Variants in PPIL4 observed in about 807,000 individuals in gnomAD.
PPIL4 encodes the protein peptidylprolyl isomerase like 4.
PPIL4 carries 50 observed loss-of-function variants against 69.1 expected under a neutral mutation model. The ratio of observed to expected loss-of-function variants is 0.72; its 90% CI spans 0.58 to 0.92. The LOEUF is 0.92. Among genes scored for constraint, PPIL4 ranks in the 40% least tolerant of loss-of-function variants. The probability of loss-of-function intolerance (pLI) is 0.00; values close to 1 mark genes in which losing one functional copy is unlikely to be tolerated. For synonymous variants in PPIL4, 193 were observed against 191.6 expected (o/e 1.01, Z -0.06); for missense variants, 480 against 587.9 (o/e 0.82, Z 1.90).
chr6:149,508,505 CA>C (rs1216446779), intron 12 of PPIL4, among the ~76,000 whole-genome samples: 2 of 152,008 alleles, frequency 1.3e-5, no homozygotes, highest in Non-Finnish European at 2.9e-5. Context: ...AATAAGCAAT[CA>C]AAAAAAGTCT....
chr6:149,521,290 C>A, intron 9 of PPIL4, 119 bp from the exon 10 acceptor site: 1 of 656,780 alleles, frequency 1.5e-6, no homozygotes, highest in South Asian at 1.7e-5. Context: ...ACTTATTACA[C>A]ACCCGATGCT....
chr6:149,529,097 G>A (rs1777150492), intron 7 of PPIL4, among the ~76,000 whole-genome samples: 1 of 152,026 alleles, frequency 6.6e-6, no homozygotes, highest in Admixed American at 6.6e-5. Context: ...AAGGTGTGGT[G>A]GCGTGTGCCT....
intron 10 of PPIL4, among the ~76,000 whole-genome samples, chr6:149,518,797 G>A (rs957075867): frequency 6.6e-6 from 1 of 151,522 alleles, no homozygotes; most frequent in African/African-American, 2.4e-5. Context: ...GTTCTTGACT[G>A]TAGTGGGAGG....
At chr6:149,515,304 A>C (rs1319117259) in intron 11 of PPIL4, among the ~76,000 whole-genome samples, 1 of 149,836 alleles carries the variant, frequency 6.7e-6, no homozygotes, top group Non-Finnish European at 1.5e-5. Flanking sequence ...TAAATGATGG[A>C]TCATACGAAA....
At chr6:149,544,466 A>G (rs2115042645) in intron 1 of PPIL4, among the ~76,000 whole-genome samples, 1 of 152,352 alleles carries the variant, frequency 6.6e-6, no homozygotes, top group Middle Eastern at 3.4e-3. Context: ...TATAGAGATG[A>G]TAATTATGGT....
intron 11 of PPIL4, among the ~76,000 whole-genome samples, chr6:149,515,147 T>C (rs1776923344): frequency 6.7e-6 from 1 of 149,880 alleles, no homozygotes; most frequent in African/African-American, 2.5e-5. Context: ...CAATTTTTTT[T>C]TTTTTTTTAA....
At chr6:149,516,055 C>T (rs925127309) in intron 11 of PPIL4, among the ~76,000 whole-genome samples, 1 of 152,166 alleles carries the variant, frequency 6.6e-6, no homozygotes, top group African/African-American at 2.4e-5. Context: ...CTAGAAGCTA[C>T]ACTATTCCAT....
chr6:149,522,462 C>T (rs182472022), intron 9 of PPIL4, among the ~76,000 whole-genome samples: 7 of 152,194 alleles, frequency 4.6e-5, no homozygotes, highest in Admixed American at 4.6e-4. Context: ...ACAAATAGAT[C>T]AGTGCAACAG....
intron 11 of PPIL4, among the ~76,000 whole-genome samples, chr6:149,513,444 TA>T (rs1224659823): frequency 1.5e-5 from 1 of 67,862 alleles, no homozygotes; most frequent in Non-Finnish European, 3.1e-5. Flanking sequence ...TATATACATA[TA>T]AAAAATATGC....
intron 4 of PPIL4, among the ~76,000 whole-genome samples, chr6:149,539,190 T>C (rs1777323993): frequency 6.6e-6 from 1 of 152,206 alleles, no homozygotes. Context: ...GAAGATGCTA[T>C]GATAACTGTT....
intron 12 of PPIL4, among the ~76,000 whole-genome samples, chr6:149,511,107 A>G (rs1776834659): frequency 6.6e-6 from 1 of 152,098 alleles, no homozygotes; most frequent in African/African-American, 2.4e-5. Flanking sequence ...ATCTTTGGTT[A>G]ACATTCTCAC....
intron 11 of PPIL4, among the ~76,000 whole-genome samples, chr6:149,513,385 CAAAAAAAAAAA>C (rs1170985851): frequency 2.4e-5 from 1 of 41,538 alleles, no homozygotes; most frequent in East Asian, 7.8e-4. Context: ...GACTCAGTCT[CAAAAAAAAAAA>C]AAAAAAAAAA....
In PPIL4 at chr6:149,541,045, T is replaced by C; in HGVS notation, c.218A>G (p.Asp73Gly). Residue 73 changes from aspartate (D) to glycine (G), a missense_variant, in exon 4 of 13, where the codon GAT (aspartate) becomes GGT (glycine). By Grantham distance (94) the Asp-to-Gly change is moderately conservative (BLOSUM62 -1). Coordinates refer to ENST00000253329, the MANE Select transcript of PPIL4 (RefSeq NM_139126.4). ...GESIFGQLYGDQASFFEAEKV... is the reference protein window; with the variant it reads ...GESIFGQLYGGQASFFEAEKV... ...TTCTGCCTCAAAAAAGCTTGCTTGATCACCATACAGTTGGCTGAAAAAACA... is the reference window on the plus strand; with the variant it reads ...TTCTGCCTCAAAAAAGCTTGCTTGACCACCATACAGTTGGCTGAAAAAACA... The C allele has an allele frequency of 6.2e-7, 1 of 1,608,576 alleles. No homozygotes were observed. The highest frequency in any genetic ancestry group is 1.1e-5 in the South Asian group (1 of 90,852).
At chr6:149,515,479 C>G (rs1401458011) in intron 11 of PPIL4, among the ~76,000 whole-genome samples, 3 of 152,204 alleles carry the variant, frequency 2.0e-5, no homozygotes, top group African/African-American at 7.2e-5. Flanking sequence ...CTCTCGCCCC[C>G]TATTATGAGT....
At chr6:149,532,864 G>T (rs997830319) in intron 7 of PPIL4, among the ~76,000 whole-genome samples, 3 of 152,040 alleles carry the variant, frequency 2.0e-5, no homozygotes, top group African/African-American at 7.2e-5. Flanking sequence ...AAATCTGAAA[G>T]TTCTATTATA....
chr6:149,531,404 C>T (rs1777195783), intron 7 of PPIL4, among the ~76,000 whole-genome samples: 1 of 147,774 alleles, frequency 6.8e-6, no homozygotes, highest in Admixed American at 6.8e-5. Flanking sequence ...GCGTGGGTGG[C>T]AGGCACCTAT....
At position 149,504,620 on chromosome 6, in the gene PPIL4, C is replaced by T. The variant is rs1447568052; in HGVS notation, c.*833G>A. 2 of 152,130 alleles carry T rather than the reference C, an allele frequency of 1.3e-5. No individual in the cohort carries two copies. Among genetic ancestry groups the T allele is most frequent in the African/African-American group, 4.8e-5 (2 of 41,420 alleles). The allele number at this position is 152,130 out of a possible 1,614,324, so 9.4% of individuals were successfully genotyped here. On this transcript the variant is annotated 3_prime_UTR_variant, in exon 13 of 13. Transcript: ENST00000253329. Reference sequence around the variant, plus strand: ...TCTTGCTGGAAATCACAGGTAGATACCACTTAACATCCACTAGGTTGGCAA... The same window carrying T: ...TCTTGCTGGAAATCACAGGTAGATATCACTTAACATCCACTAGGTTGGCAA...
chr6:149,530,606 C>T (rs919814598), intron 7 of PPIL4, among the ~76,000 whole-genome samples: 2 of 149,910 alleles, frequency 1.3e-5, no homozygotes, highest in Admixed American at 1.3e-4. Flanking sequence ...TTGCAGTGAG[C>T]CAAGATTGCG....
chr6:149,512,249 T>C lies in PPIL4; in HGVS notation c.1133A>G (p.His378Arg). The C allele has an allele frequency of 6.2e-7, 1 of 1,613,312 alleles. No homozygotes were observed. Among genetic ancestry groups the C allele is most frequent in the South Asian group, 1.1e-5 (1 of 91,060 alleles). Residue 378 changes from histidine (H) to arginine (R), a missense_variant, in exon 12 of 13, where the codon CAC becomes CGC. Transcript: ENST00000253329. ...DEQAEDSKSS[H>R]SHTSKKHKKK... ...CTTGTGTTTTTTACTTGTGTGTGAG[T>C]GACTTGATTTTGAGTCTTCGGCCTG...
Sources: allele counts gnomAD v4.1 joint callset (sites outside exome capture counted in the v4.1 genomes callset), GRCh38; gene constraint gnomAD v4.1.1; transcripts MANE v1.5; gene names NCBI Gene and HGNC (gene_info 2026-07-23, HGNC 2026-07-21).